The following SRR variants were observed in gnomAD, a reference collection of about 807,000 sequenced individuals.
The protein encoded by SRR is D-serine ammonia-lyase.
SRR carries 19 observed loss-of-function variants against 32.7 expected under a neutral mutation model. The ratio of observed to expected loss-of-function variants is 0.58; its 90% CI spans 0.40 to 0.85. The LOEUF is 0.85. Ranked by LOEUF, SRR falls within the 40% of genes least tolerant of loss-of-function variation. The pLI is 0.00. For synonymous variants in SRR, 142 were observed against 140.9 expected (o/e 1.01, Z -0.06); for missense variants, 373 against 404.7 (o/e 0.92, Z 0.67).
intron 1 of SRR, among the ~76,000 whole-genome samples, chr17:2,304,268 T>TCTTAAGAC (rs1220880351): frequency 2.7e-5 from 4 of 150,572 alleles, no homozygotes; most frequent in South Asian, 2.1e-4. Context: ...TTTTTTTAGT[T>TCTTAAGAC]GGAGTCTCGC....
intron 2 of SRR, among the ~76,000 whole-genome samples, chr17:2,315,993 C>T (rs1403837405): frequency 6.6e-6 from 1 of 151,832 alleles, no homozygotes. Context: ...TATGTATGTG[C>T]ATATATATAA....
intron 4 of SRR, among the ~76,000 whole-genome samples, chr17:2,319,612 C>G (rs1020570624): frequency 1.3e-5 from 2 of 152,030 alleles, no homozygotes; most frequent in Non-Finnish European, 2.9e-5. Context: ...TCTCATACCC[C>G]ACATCCAAAT....
At chr17:2,322,928 C>A (rs1005470021) in intron 6 of SRR, 15 of 535,442 alleles carry the variant, frequency 2.8e-5, no homozygotes, top group Admixed American at 6.3e-5. Flanking sequence ...CCACGCCTGG[C>A]TGATTTTCCT....
intron 2 of SRR, among the ~76,000 whole-genome samples, chr17:2,317,518 AAAT>A (rs1299292803): frequency 6.7e-6 from 1 of 149,514 alleles, no homozygotes; most frequent in Admixed American, 6.7e-5. Context: ...AGGTCTAAAA[AAAT>A]AAAAAAAAAA....
At chr17:2,315,355 T>C (rs2075465004) in intron 1 of SRR, 1 of 449,482 alleles carries the variant, frequency 2.2e-6, no homozygotes, top group Non-Finnish European at 3.8e-6. Context: ...CATCAGTTAC[T>C]TCCCTCAAAG....
chr17:2,308,527 C>G (rs2075409956), intron 1 of SRR, among the ~76,000 whole-genome samples: 1 of 152,124 alleles, frequency 6.6e-6, no homozygotes, highest in Non-Finnish European at 1.5e-5. Flanking sequence ...CAAATTGTAC[C>G]ACCATTTAAG....
intron 4 of SRR, among the ~76,000 whole-genome samples, chr17:2,319,974 A>G (rs1181908806): frequency 3.3e-5 from 5 of 151,320 alleles, no homozygotes; most frequent in Non-Finnish European, 7.4e-5. Flanking sequence ...GCCTGCCACC[A>G]TGCCCAGCTA....
chr17:2,313,131 T>C (rs866214138), intron 1 of SRR, among the ~76,000 whole-genome samples: 28 of 152,178 alleles, frequency 1.8e-4, no homozygotes, highest in Non-Finnish European at 3.8e-4. Context: ...TATTAAGTCA[T>C]TTTAAAAGTT....
chr17:2,312,817 A>T (rs2075442817), intron 1 of SRR, among the ~76,000 whole-genome samples: 1 of 152,214 alleles, frequency 6.6e-6, no homozygotes, highest in Admixed American at 6.5e-5. Flanking sequence ...CTAAGGACTG[A>T]CGGAGGTACA....
At chr17:2,321,811 G>A (rs938107352) in intron 6 of SRR, among the ~76,000 whole-genome samples, 195 bp downstream of exon 6, 2 of 152,018 alleles carry the variant, frequency 1.3e-5, no homozygotes, top group Non-Finnish European at 2.9e-5. Flanking sequence ...ACAGATTCTC[G>A]CTGTTGCCCA....
Position 2,324,200 on chromosome 17 carries a change from T to G in SRR, c.*327T>G. ...GACAGAATCTCTTTGAATCCATTAC[T>G]CCATGCCCCCTTGAGGCACTGTTGA... On this transcript the variant is annotated 3_prime_UTR_variant, in exon 8 of 8. Coordinates refer to ENST00000344595, the MANE Select transcript of SRR (RefSeq NM_021947.3). The G allele has an allele frequency of 1.3e-6, 2 of 1,520,464 alleles. No homozygotes were observed. Among genetic ancestry groups the G allele is most frequent in the Non-Finnish European group, 1.8e-6 (2 of 1,138,920 alleles). 94.2% of individuals were successfully genotyped at this position (1,520,464 alleles called of 1,614,324 possible).
rs1238108697 is a variant in SRR at position 2,317,207 on chromosome 17, GAA to G, written c.169-642_169-641del. On this transcript the variant is annotated intron_variant, in intron 2 of 7. Coordinates refer to ENST00000344595, the MANE Select transcript of SRR (RefSeq NM_021947.3). ...GATAGAGGAAGACTCCATCTCGGGG[GAA>G]AAAAAAAAAAAAAAAAAAAAGGCCG... 7.9e-3 allele frequency among the ~76,000 whole-genome samples: 427 copies of G among 54,334 alleles called. 2 individuals are homozygous for G. The highest frequency in any genetic ancestry group is 0.019 in the Middle Eastern group (1 of 54). 35.6% of individuals were successfully genotyped at this position (54,334 alleles called of 152,430 possible).
chr17:2,308,715 G>A (rs981753522), intron 1 of SRR, among the ~76,000 whole-genome samples: 3 of 152,150 alleles, frequency 2.0e-5, no homozygotes, highest in Admixed American at 6.5e-5. Flanking sequence ...CAGCTACTTG[G>A]GAGGCTGAGG....
chr17:2,314,449 G>T (rs1004408889), intron 1 of SRR, among the ~76,000 whole-genome samples: 1 of 152,132 alleles, frequency 6.6e-6, no homozygotes. Context: ...CAGGCATGGT[G>T]GCAGGTGCCT....
At position 2,315,606 on chromosome 17, in the gene SRR, CAT is replaced by C. The variant is rs773814484; in HGVS notation, c.49_50del (p.Ile17GlnfsTer30). 3 of 1,614,032 alleles carry C rather than the reference CAT, an allele frequency of 1.9e-6. No individual in the cohort carries two copies. In the South Asian group the frequency reaches 3.3e-5, roughly 18 times the overall value. On this transcript the variant is annotated frameshift_variant, in exon 2 of 8. Transcript: ENST00000344595. LOFTEE classifies it high-confidence loss of function. ...CISFADVEKAHINIRDSIHLT... is the reference protein window; with the variant it reads ...CISFADVEKAXINIRDSIHLT... ...CTCCTTTGCTGATGTTGAAAAAGCT[CAT>C]ATCAACATTCGAGATTCTATCCACC...
chr17:2,323,494 C>G lies in SRR; in HGVS notation c.804+149C>G, dbSNP rs113656766. On this transcript the variant is annotated intron_variant, in intron 7 of 7. Coordinates refer to ENST00000344595, the MANE Select transcript of SRR (RefSeq NM_021947.3). ...GTACCCTAGATGTATTAATGACAAC[C>G]CTCTTGACAGAAGCAGAGTCAGAAT... is the stretch of plus-strand genomic sequence containing the variant. 3.9e-4 allele frequency: 449 copies of G among 1,146,518 alleles called. 2 individuals carry two copies. In the African/African-American group the frequency reaches 5.7e-3, roughly 15 times the overall value. The allele number at this position is 1,146,518 out of a possible 1,614,324, so 71.0% of individuals were successfully genotyped here.
intron 6 of SRR, among the ~76,000 whole-genome samples, chr17:2,321,984 T>C (rs988321906): frequency 1.9e-4 from 29 of 152,244 alleles, no homozygotes; most frequent in African/African-American, 6.8e-4. Flanking sequence ...GGTTTCACCA[T>C]GTTGGTCAGG....
chr17:2,311,519 T>C (rs2075433704), intron 1 of SRR, among the ~76,000 whole-genome samples: 1 of 151,924 alleles, frequency 6.6e-6, no homozygotes, highest in South Asian at 2.1e-4. Flanking sequence ...AGTGCACCTG[T>C]GGTCCCAGCT....
intron 1 of SRR, among the ~76,000 whole-genome samples, chr17:2,312,388 G>A (rs1004247560): frequency 2.7e-4 from 41 of 152,132 alleles, no homozygotes; most frequent in African/African-American, 9.9e-4. Flanking sequence ...GAAGTCAGGA[G>A]ATCGAGACCA....
Sources: gnomAD v4.1 joint callset for allele counts (sites outside exome capture counted in the v4.1 genomes callset) on GRCh38, gnomAD v4.1.1 for gene constraint, MANE v1.5 for transcripts, NCBI Gene and HGNC (gene_info 2026-07-23, HGNC 2026-07-21) for gene names.